Variants in BPI observed in about 807,000 individuals in gnomAD.
BPI encodes bactericidal permeability increasing protein.
BPI carries 48 observed loss-of-function variants against 57.6 expected under a neutral mutation model. The observed-to-expected ratio is 0.83, with a 90% CI of 0.66 to 1.06. The LOEUF is 1.06. Ranked by LOEUF, BPI falls within the 50% of genes least tolerant of loss-of-function variation. The probability of loss-of-function intolerance (pLI) is 0.00; values close to 1 mark genes in which losing one functional copy is unlikely to be tolerated. For synonymous variants in BPI, 237 were observed against 238.2 expected (o/e 0.99, Z 0.05); for missense variants, 651 against 609.7 (o/e 1.07, Z -0.71).
At chr20:38,324,070 G>A (rs2076700352) in intron 8 of BPI, 24 bp downstream of exon 8, 8 of 1,611,098 alleles carry the variant, frequency 5.0e-6, no homozygotes, top group African/African-American at 4.0e-5. Context: ...CTGGGTGGGT[G>A]TGGGAAGAGC....
At chr20:38,325,231 G>A (rs561314461) in intron 9 of BPI, among the ~76,000 whole-genome samples, 2 of 151,994 alleles carry the variant, frequency 1.3e-5, no homozygotes, top group South Asian at 4.2e-4. Flanking sequence ...ACTGTTACCA[G>A]TGAAACCAAC....
chr20:38,318,623 G>T, intron 6 of BPI, 147 bp downstream of exon 6: 1 of 857,870 alleles, frequency 1.2e-6, no homozygotes, highest in East Asian at 2.5e-5. Flanking sequence ...ATTTTCAAGA[G>T]GCAGCTAGCA....
chr20:38,308,309 G>A (rs998801166), intron 2 of BPI, among the ~76,000 whole-genome samples: 12 of 152,288 alleles, frequency 7.9e-5, no homozygotes, highest in Middle Eastern at 3.4e-3. Context: ...CTCCACCCCC[G>A]AAGATGGACG....
intron 5 of BPI, among the ~76,000 whole-genome samples, chr20:38,316,290 G>T (rs1191225027): frequency 6.6e-6 from 1 of 152,180 alleles, no homozygotes; most frequent in Non-Finnish European, 1.5e-5. Flanking sequence ...AGGGGTAGGG[G>T]AGGATAGAGG....
At chr20:38,333,986 G>T (rs2076754748) in intron 12 of BPI, among the ~76,000 whole-genome samples, 1 of 151,060 alleles carries the variant, frequency 6.6e-6, no homozygotes. Context: ...TGCTGTTACA[G>T]TCATGAACCA....
Position 38,304,257 on chromosome 20 carries a change from G to A in BPI, c.34G>A (p.Ala12Thr), listed in dbSNP as rs2076586346. The A allele has an allele frequency of 1.2e-6, 2 of 1,614,188 alleles. No homozygotes were observed. The highest frequency in any genetic ancestry group is 1.7e-6 in the Non-Finnish European group (2 of 1,180,038). Residue 12 changes from alanine (A) to threonine (T), a missense_variant, in exon 1 of 15, where the codon GCG (alanine) becomes ACG (threonine). Physicochemically the swap from Ala to Thr is moderately conservative, Grantham distance 58 (BLOSUM62 0). Transcript: ENST00000642449. ...GGGCCCTTGCAACGCGCCGAGATGG[G>A]CGTCCCTGATGGTGCTGGTCGCCAT... ...ARGPCNAPRW[A>T]SLMVLVAIGT...
intron 5 of BPI, among the ~76,000 whole-genome samples, chr20:38,314,839 G>A (rs2076644290): frequency 7.1e-6 from 1 of 141,414 alleles, no homozygotes; most frequent in Non-Finnish European, 1.6e-5. Flanking sequence ...TAATGGTGAT[G>A]GTAATGGTGG....
chr20:38,306,715 GT>G (rs1259761643), intron 1 of BPI, among the ~76,000 whole-genome samples: 1 of 152,200 alleles, frequency 6.6e-6, no homozygotes, highest in Non-Finnish European at 1.5e-5. Flanking sequence ...TGGGAGATCT[GT>G]GGGGGTGTAG....
intron 2 of BPI, 145 bp from the exon 3 acceptor site, chr20:38,308,785 T>C (rs890126210): frequency 8.7e-7 from 1 of 1,142,896 alleles, no homozygotes; most frequent in Non-Finnish European, 1.2e-6. Flanking sequence ...CCAAGCCTGC[T>C]TTCTTAGCTT....
chr20:38,323,364 C>T (rs1019018502), intron 7 of BPI, among the ~76,000 whole-genome samples: 1 of 152,226 alleles, frequency 6.6e-6, no homozygotes, highest in Non-Finnish European at 1.5e-5. Context: ...CTTATGAGTG[C>T]TCTCACCAAA....
chr20:38,308,898 A>C, intron 2 of BPI, 32 bp from the exon 3 acceptor site: 1 of 1,613,460 alleles, frequency 6.2e-7, no homozygotes, highest in Non-Finnish European at 8.5e-7. Flanking sequence ...GAGTATATGA[A>C]ATTATATGAC....
In BPI at chr20:38,337,128, A is replaced by T; in HGVS notation, c.1414-18A>T. On this transcript the variant is annotated intron_variant, in intron 14 of 14. Transcript: ENST00000642449. ...GGGTGCATCTTCAACTGGTGACAAC[A>T]TTCTCATCTCTCCCTAGAACTTCCT... 6.2e-7 allele frequency: 1 copy of T among 1,602,306 alleles called. No individual in the cohort carries two copies. The highest frequency in any genetic ancestry group is 8.5e-7 in the Non-Finnish European group (1 of 1,175,158).
rs1489317799 is a variant in BPI at position 38,320,004 on chromosome 20, G to A, written c.665-179G>A. 1.8e-5 allele frequency: 11 copies of A among 604,286 alleles called. No homozygotes were observed. The South Asian group carries it at 2.0e-4, about 11-fold the overall frequency. 37.4% of individuals were successfully genotyped at this position (604,286 alleles called of 1,614,324 possible). A position where few individuals can be genotyped will look rare whatever the true frequency, so the allele number is the denominator to read the frequency against. ...AGAGTAAGGGGGTGTCTGTGAATGT[G>A]GGGTGTGGGTTCATTTTCCCTTAAG... On this transcript the variant is annotated intron_variant, in intron 6 of 14. Coordinates refer to ENST00000642449, the MANE Select transcript of BPI (RefSeq NM_001725.3).
At chr20:38,336,920 T>C (rs962403301) in intron 14 of BPI, among the ~76,000 whole-genome samples, 1 of 152,062 alleles carries the variant, frequency 6.6e-6, no homozygotes, top group Non-Finnish European at 1.5e-5. Context: ...TCTCCGTGTC[T>C]AAGAAGGAGG....
At chr20:38,330,933 A>T (rs1828889100) in intron 11 of BPI, 115 bp from the exon 12 acceptor site, 2 of 1,207,590 alleles carry the variant, frequency 1.7e-6, no homozygotes, top group African/African-American at 1.5e-5. Context: ...GGGAGTGGAT[A>T]CTGGGTGGGA....
chr20:38,305,392 C>A (rs563663512), intron 1 of BPI, among the ~76,000 whole-genome samples: 1 of 152,212 alleles, frequency 6.6e-6, no homozygotes, highest in African/African-American at 2.4e-5. Context: ...ACCCAGGCCC[C>A]TTGTGCCAAT....
chr20:38,321,662 CA>C (rs1301336384), intron 7 of BPI: 1 of 151,014 alleles, frequency 6.6e-6, no homozygotes, highest in Non-Finnish European at 1.5e-5. Context: ...AAAACACATT[CA>C]ATGTGAAAAA....
chr20:38,317,955 G>A, intron 5 of BPI: 1 of 985,256 alleles, frequency 1.0e-6, no homozygotes, highest in African/African-American at 1.7e-5. Flanking sequence ...AAACATGAGG[G>A]TGCCCACCTA....
chr20:38,307,372 G>A (rs952891789), intron 1 of BPI, among the ~76,000 whole-genome samples, 195 bp from the exon 2 acceptor site: 3 of 152,176 alleles, frequency 2.0e-5, no homozygotes, highest in Non-Finnish European at 2.9e-5. Context: ...TGTGACAGAG[G>A]CAATATGGTT....
Sources: gnomAD v4.1 joint callset for allele counts (sites outside exome capture counted in the v4.1 genomes callset) on GRCh38, gnomAD v4.1.1 for gene constraint, MANE v1.5 for transcripts, NCBI Gene and HGNC (gene_info 2026-07-23, HGNC 2026-07-21) for gene names.